SOS2: variants seen among roughly 807,000 people sequenced by gnomAD.
SOS2 encodes the protein son of sevenless homolog 2.
SOS2 carries 65 observed loss-of-function variants against 148.2 expected under a neutral mutation model. That is an observed-to-expected ratio of 0.44 (90% CI 0.36 to 0.54). The LOEUF (loss-of-function observed/expected upper bound fraction) is 0.54. Ranked by LOEUF, SOS2 falls within the 20% of genes least tolerant of loss-of-function variation. The pLI is 0.00. For synonymous variants in SOS2, 539 were observed against 537.1 expected (o/e 1.00, Z -0.05); for missense variants, 1,341 against 1,590.2 (o/e 0.84, Z 2.67).
At chr14:50,157,299 G>A (rs1271887845) in intron 11 of SOS2, among the ~76,000 whole-genome samples, 178 bp from the exon 12 acceptor site, 1 of 151,986 alleles carries the variant, frequency 6.6e-6, no homozygotes, top group African/African-American at 2.4e-5. Flanking sequence ...CTGACGTTTT[G>A]TATTCTTACT....
chr14:50,168,729 T>C (rs890798915), intron 8 of SOS2, among the ~76,000 whole-genome samples: 3 of 152,152 alleles, frequency 2.0e-5, no homozygotes, highest in Non-Finnish European at 2.9e-5. Flanking sequence ...TTCTGTCTCA[T>C]GTTAAGCCTA....
intron 4 of SOS2, among the ~76,000 whole-genome samples, chr14:50,198,529 G>C (rs1296069546): frequency 6.6e-6 from 1 of 152,164 alleles, no homozygotes; most frequent in Non-Finnish European, 1.5e-5. Flanking sequence ...CTGAGGTTTG[G>C]AGATCCAATC....
chr14:50,219,522 T>A (rs1015653681), intron 1 of SOS2, among the ~76,000 whole-genome samples: 1 of 152,132 alleles, frequency 6.6e-6, no homozygotes, highest in African/African-American at 2.4e-5. Context: ...GGATGTCTCC[T>A]GAGAGTGGGG....
chr14:50,190,207 C>T (rs1453381288), intron 4 of SOS2, among the ~76,000 whole-genome samples: 1 of 151,834 alleles, frequency 6.6e-6, no homozygotes, highest in African/African-American at 2.4e-5. Context: ...ATGATTGGAC[C>T]TAGTTAATTA....
chr14:50,119,834 A>G lies in SOS2; in HGVS notation c.3489+441T>C, dbSNP rs1395235334. Among the ~76,000 whole-genome samples the G allele has an allele frequency of 3.9e-5, 5 of 128,824 alleles. 1 individual carries two copies. The highest frequency in any genetic ancestry group is 1.5e-4 in the African/African-American group (5 of 32,750). The allele number at this position is 128,824 out of a possible 152,430, so 84.5% of individuals were successfully genotyped here. On this transcript the variant is annotated intron_variant, in intron 22 of 22. Transcript: ENST00000216373. The stretch of plus-strand genomic sequence containing the variant: ...TTTTTTTTTTTTTTTTTTTGAGACA[A>G]GAGTTTTGCAATTGTTGCCCAGACT...
At chr14:50,131,228 C>G (rs1883855744) in intron 19 of SOS2, among the ~76,000 whole-genome samples, 1 of 152,106 alleles carries the variant, frequency 6.6e-6, no homozygotes. Context: ...AAATTCCTAT[C>G]ATTGTCTCCC....
chr14:50,180,853 A>G (rs1885710215), intron 6 of SOS2, among the ~76,000 whole-genome samples, 171 bp from the exon 7 acceptor site: 1 of 152,210 alleles, frequency 6.6e-6, no homozygotes, highest in Admixed American at 6.5e-5. Flanking sequence ...AAAAGAAAAG[A>G]AAGAAATGAA....
chr14:50,197,513 G>A (rs1453584602), intron 4 of SOS2, among the ~76,000 whole-genome samples: 1 of 152,014 alleles, frequency 6.6e-6, no homozygotes, highest in Admixed American at 6.6e-5. Context: ...AGAGAAAACC[G>A]AAATTGAGGG....
At chr14:50,130,388 T>C (rs1265150456) in intron 20 of SOS2, 113 bp downstream of exon 20, 1 of 859,614 alleles carries the variant, frequency 1.2e-6, no homozygotes, top group East Asian at 2.6e-5. Flanking sequence ...TAGATATCAC[T>C]TTTCACACTA....
In SOS2 at chr14:50,147,329, A is replaced by G. The variant is rs974747987; in HGVS notation, c.2385-1733T>C. 2.0e-5 allele frequency among the ~76,000 whole-genome samples: 3 copies of G among 151,912 alleles called. No homozygotes were observed. In the South Asian group the frequency reaches 6.2e-4, roughly 32 times the overall value. On this transcript the variant is annotated intron_variant, in intron 14 of 22. Transcript: ENST00000216373. ...TCAAGACCATCCTGGGCAACATAGC[A>G]AGACCTCATCTCTATGAAATTTTTT...
chr14:50,200,810 G>A (rs933690473), intron 3 of SOS2, 143 bp downstream of exon 3: 25 of 612,374 alleles, frequency 4.1e-5, no homozygotes, highest in Admixed American at 1.7e-4. Context: ...TAATATATGC[G>A]ATGTGTATGT....
intron 12 of SOS2, among the ~76,000 whole-genome samples, chr14:50,154,371 A>T (rs890299081): frequency 1.3e-5 from 2 of 152,212 alleles, no homozygotes; most frequent in African/African-American, 4.8e-5. Flanking sequence ...CACTGGTGAG[A>T]ATATGAAGCA....
At chr14:50,202,064 A>G (rs10131885) in intron 2 of SOS2, among the ~76,000 whole-genome samples, 133,192 of 152,228 alleles carry the variant, frequency 0.87, 58,347 homozygotes, top group East Asian at 0.91. Flanking sequence ...CCAGACTCCA[A>G]TGATCCTCCC....
At chr14:50,158,688 T>C (rs1371206080) in intron 10 of SOS2, 42 bp from the exon 11 acceptor site, 2 of 1,244,162 alleles carry the variant, frequency 1.6e-6, no homozygotes, top group African/African-American at 3.0e-5. Context: ...GTTTAATGTA[T>C]TCAGTTTAAT....
At chr14:50,178,692 A>G (rs1220594506) in intron 7 of SOS2, among the ~76,000 whole-genome samples, 75 of 28,518 alleles carry the variant, frequency 2.6e-3, no homozygotes, top group East Asian at 0.019. Flanking sequence ...ATATATATAT[A>G]TATATATATA....
chr14:50,159,586 C>CTCTT lies in SOS2; in HGVS notation c.1696_1697insAAGA (p.Arg566LysfsTer7). 1 of 1,614,018 alleles carries CTCTT rather than the reference C, an allele frequency of 6.2e-7. No homozygotes were observed. The highest frequency in any genetic ancestry group is 8.5e-7 in the Non-Finnish European group (1 of 1,179,948). Reference sequence around the variant, plus strand: ...ACGATATACTTCAGGACTTGGTAATCTCAGTGGTTGCTCATTTTCTTCTTT... The same window carrying CTCTT: ...ACGATATACTTCAGGACTTGGTAATCTCTTTCAGTGGTTGCTCATTTTCTTCTTT... On this transcript the variant is annotated frameshift_variant, in exon 10 of 23. Transcript: ENST00000216373. LOFTEE classifies it high-confidence loss of function.
At chr14:50,198,032 A>G (rs901008898) in intron 4 of SOS2, among the ~76,000 whole-genome samples, 2 of 149,952 alleles carry the variant, frequency 1.3e-5, no homozygotes, top group African/African-American at 2.5e-5. Flanking sequence ...TAAGGGAGGA[A>G]TGAGGAATTA....
At chr14:50,152,332 CTCTT>C (rs747437708) in intron 13 of SOS2, among the ~76,000 whole-genome samples, 3 of 152,122 alleles carry the variant, frequency 2.0e-5, no homozygotes, top group Non-Finnish European at 4.4e-5. Flanking sequence ...GAAAACTCCT[CTCTT>C]TCAGATTTCA....
intron 1 of SOS2, among the ~76,000 whole-genome samples, chr14:50,225,545 A>T (rs1431834373): frequency 1.3e-5 from 2 of 152,236 alleles, no homozygotes; most frequent in African/African-American, 4.8e-5. Flanking sequence ...CATTGCTGAC[A>T]GGGAGCCAAG....
Sources: allele counts gnomAD v4.1 joint callset (sites outside exome capture counted in the v4.1 genomes callset), GRCh38; gene constraint gnomAD v4.1.1; transcripts MANE v1.5; gene names NCBI Gene and HGNC (gene_info 2026-07-23, HGNC 2026-07-21).